Variants in VXN observed in about 807,000 individuals in gnomAD.
VXN encodes vexin, also known as uncharacterized protein C8orf46.
Under a neutral mutation model 23.1 loss-of-function variants are expected in VXN, and 7 were observed. That is an observed-to-expected ratio of 0.30 (90% CI 0.17 to 0.57). The LOEUF (loss-of-function observed/expected upper bound fraction) is 0.57. Ranked by LOEUF, VXN falls within the 20% of genes least tolerant of loss-of-function variation. The probability of loss-of-function intolerance (pLI) is 0.91; values close to 1 mark genes in which losing one functional copy is unlikely to be tolerated. For missense variants in VXN, 238 were observed against 272.6 expected, an observed-to-expected ratio of 0.87 and a Z score of 0.89; for synonymous variants, 120 against 105.8, an observed-to-expected ratio of 1.13 and a Z score of -0.83.
chr8:66,498,866 G>A (rs914168325), intron 2 of VXN: 1 of 456,266 alleles, frequency 2.2e-6, no homozygotes, highest in African/African-American at 2.0e-5. Context: ...AGATGAAAGG[G>A]ACTACTGTAT....
At chr8:66,496,292 A>T (rs894163232) in intron 1 of VXN, 145 bp from the exon 2 acceptor site, 1 of 690,940 alleles carries the variant, frequency 1.4e-6, no homozygotes, top group South Asian at 1.8e-5. Context: ...AACATCTTCA[A>T]TCGCAACGAC....
chr8:66,513,474 C>A, intron 4 of VXN, 66 bp from the exon 5 acceptor site: 1 of 1,334,186 alleles, frequency 7.5e-7, no homozygotes, highest in Non-Finnish European at 1.1e-6. Context: ...TTGCAGACAG[C>A]CTCAGTCAGG....
At position 66,515,939 on chromosome 8, in the gene VXN, C is replaced by A; in HGVS notation, c.487C>A (p.Gln163Lys). 6.2e-7 allele frequency: 1 copy of A among 1,613,330 alleles called. No individual in the cohort carries two copies. Among genetic ancestry groups the A allele is most frequent in the Non-Finnish European group, 8.5e-7 (1 of 1,179,716 alleles). The part of the protein sequence containing the change: ...KMTEEYPALP[Q>K]GAEASLPLTG... ...GACTGAAGAGTATCCAGCCCTTCCC[C>A]AAGGAGCAGAAGCCTCTCTACCACT... is the stretch of plus-strand genomic sequence containing the variant. The change falls in exon 6 of 6, where the codon CAA becomes AAA. Residue 163 changes from glutamine to lysine, a missense_variant. Gln to Lys is a moderately conservative substitution (Grantham distance 53, BLOSUM62 1). Transcript: ENST00000305454.
At chr8:66,515,755 T>A in intron 5 of VXN, 138 bp from the exon 6 acceptor site, 1 of 708,464 alleles carries the variant, frequency 1.4e-6, no homozygotes, top group Non-Finnish European at 2.3e-6. Flanking sequence ...GTCCCAACAG[T>A]GACCTTACAG....
intron 2 of VXN, among the ~76,000 whole-genome samples, chr8:66,500,453 T>C (rs114913387): frequency 5.3e-5 from 8 of 152,244 alleles, no homozygotes; most frequent in African/African-American, 1.9e-4. Flanking sequence ...TTTTCATAGA[T>C]GTATTGATCA....
rs1460250758 is a variant in VXN, at chr8:66,513,607, G to T, written c.410G>T (p.Gly137Val). 5 of 1,614,016 alleles carry T rather than the reference G, an allele frequency of 3.1e-6. No individual in the cohort carries two copies. In the Admixed American group the frequency reaches 6.7e-5, roughly 22 times the overall value. Reference protein sequence around the residue: ...ASASLEATAMGTEKGAVLMRG... With the variant: ...ASASLEATAMVTEKGAVLMRG... ...GCCTCATTGGAGGCGACAGCCATGG[G>T]CACAGAGAAGGGAGCTGTTCTGATG... is the stretch of plus-strand genomic sequence containing the variant. The change falls in exon 5 of 6, where the codon GGC becomes GTC. Residue 137 changes from glycine to valine, a missense_variant. This residue lies in a region of VXN where 223 missense variants were observed against 236.9 expected (regional missense o/e 0.94). Transcript: ENST00000305454.
chr8:66,505,931 A>G (rs918694411), intron 3 of VXN, among the ~76,000 whole-genome samples: 4 of 152,078 alleles, frequency 2.6e-5, no homozygotes, highest in Non-Finnish European at 4.4e-5. Flanking sequence ...CTACAGGTTC[A>G]CAGCCACCAT....
intron 2 of VXN, among the ~76,000 whole-genome samples, chr8:66,500,233 A>G (rs1450767660): frequency 6.6e-6 from 1 of 152,266 alleles, no homozygotes; most frequent in Non-Finnish European, 1.5e-5. Context: ...GGATAAATTC[A>G]TAGATATGAA....
chr8:66,508,284 C>G (rs1264115311), intron 3 of VXN, among the ~76,000 whole-genome samples: 1 of 152,130 alleles, frequency 6.6e-6, no homozygotes, highest in Non-Finnish European at 1.5e-5. Flanking sequence ...GCCACCCTGG[C>G]TCCCACTCCC....
At chr8:66,500,596 C>T (rs1159039400) in intron 2 of VXN, among the ~76,000 whole-genome samples, 1 of 152,010 alleles carries the variant, frequency 6.6e-6, no homozygotes, top group Non-Finnish European at 1.5e-5. Flanking sequence ...TTGCATGATG[C>T]TGAGGTTTGG....
chr8:66,511,085 G>A (rs1439459675), intron 4 of VXN, among the ~76,000 whole-genome samples: 1 of 152,210 alleles, frequency 6.6e-6, no homozygotes, highest in Admixed American at 6.5e-5. Context: ...ACCTGAAGGA[G>A]CTAAGAGCTT....
At chr8:66,498,222 T>C (rs1027350373) in intron 2 of VXN, among the ~76,000 whole-genome samples, 9 of 151,534 alleles carry the variant, frequency 5.9e-5, no homozygotes, top group Non-Finnish European at 1.3e-4. Context: ...TTGTCCTAGC[T>C]ACTTGGGAGG....
chr8:66,500,108 T>G (rs1304737692), intron 2 of VXN, among the ~76,000 whole-genome samples: 2 of 152,178 alleles, frequency 1.3e-5, no homozygotes, highest in African/African-American at 2.4e-5. Context: ...AAACCTGAAG[T>G]TTTCTAGATT....
chr8:66,504,232 G>A (rs1285518599), intron 2 of VXN, among the ~76,000 whole-genome samples: 1 of 152,160 alleles, frequency 6.6e-6, no homozygotes, highest in Non-Finnish European at 1.5e-5. Flanking sequence ...AATATTGGAA[G>A]GCAGCGGCAG....
chr8:66,514,558 T>C (rs141271209), intron 5 of VXN, among the ~76,000 whole-genome samples: 67 of 152,270 alleles, frequency 4.4e-4, no homozygotes, highest in African/African-American at 1.6e-3. Context: ...GCCTCCCAAG[T>C]AGCTGGAGCT....
chr8:66,513,514 C>T (rs1019042500), intron 4 of VXN, 26 bp from the exon 5 acceptor site: 15 of 1,598,276 alleles, frequency 9.4e-6, no homozygotes, highest in African/African-American at 6.7e-5. Flanking sequence ...TGCATCCTCA[C>T]ACTCCCTCCC....
Position 66,511,924 on chromosome 8 carries a change from A to G in VXN, c.343-1616A>G, listed in dbSNP as rs142725196. On this transcript the variant is annotated intron_variant, in intron 4 of 5. Coordinates refer to ENST00000305454, the MANE Select transcript of VXN (RefSeq NM_152765.4). ...CTACTAAAAATACAAAAATTAGCCG[A>G]GCGTGGTGAGCCATGCCTGTGATCC... Among the ~76,000 whole-genome samples the G allele has an allele frequency of 3.4e-3, 520 of 152,066 alleles. 4 individuals carry two copies. Among genetic ancestry groups the G allele is most frequent in the African/African-American group, 0.012 (493 of 41,488 alleles).
chr8:66,495,932 A>AC (rs1807620731), intron 1 of VXN, among the ~76,000 whole-genome samples: 1 of 152,174 alleles, frequency 6.6e-6, no homozygotes, highest in African/African-American at 2.4e-5. Flanking sequence ...TCTTCCAGCC[A>AC]CCAGTAACCA....
intron 4 of VXN, among the ~76,000 whole-genome samples, chr8:66,511,119 C>G (rs1159865393): frequency 6.6e-6 from 1 of 152,210 alleles, no homozygotes; most frequent in Non-Finnish European, 1.5e-5. Flanking sequence ...CTGCTGTCCT[C>G]CCTCCCACAG....
Sources: allele counts gnomAD v4.1 joint callset (sites outside exome capture counted in the v4.1 genomes callset), GRCh38; gene constraint gnomAD v4.1.1; regional missense constraint gnomAD v4.1.1; transcripts MANE v1.5; gene names NCBI Gene and HGNC (gene_info 2026-07-23, HGNC 2026-07-21).